DOCK2: variants seen among roughly 807,000 people sequenced by gnomAD.
DOCK2 encodes the protein dedicator of cytokinesis protein 2.
A neutral mutation model predicts 248.9 loss-of-function variants in DOCK2; 87 were observed. The ratio of observed to expected loss-of-function variants is 0.35; its 90% CI spans 0.29 to 0.42. The LOEUF (loss-of-function observed/expected upper bound fraction) is 0.42, where lower values mean the gene tolerates loss of function less well. DOCK2 is among the 10% of genes least tolerant of loss of function. DOCK2 has a pLI of 1.00. For missense variants in DOCK2, 1,747 were observed against 2,300.2 expected (o/e 0.76, Z 4.92); for synonymous variants, 805 against 821.6 (o/e 0.98, Z 0.35).
At chr5:169,703,624 A>G (rs1653456566) in intron 14 of DOCK2, among the ~76,000 whole-genome samples, 1 of 152,258 alleles carries the variant, frequency 6.6e-6, no homozygotes, top group Non-Finnish European at 1.5e-5. Flanking sequence ...AAATGTAAAG[A>G]AATCCTCACA....
chr5:170,044,274 G>T lies in DOCK2; in HGVS notation c.3877-1542G>T, dbSNP rs114149332. Among the ~76,000 whole-genome samples, 724 of 152,306 alleles carry T rather than the reference G, an allele frequency of 4.8e-3. 8 individuals are homozygous for T. Among genetic ancestry groups the T allele is most frequent in the Non-Finnish European group, 7.5e-3 (507 of 68,032 alleles). Reference sequence around the variant, plus strand: ...TGTCCACTTATGTTCCATGAGAGTAGAGTCTGTGTCTCGTCCATCTTTATA... The same window carrying T: ...TGTCCACTTATGTTCCATGAGAGTATAGTCTGTGTCTCGTCCATCTTTATA... On this transcript the variant is annotated intron_variant, in intron 38 of 51. Coordinates refer to ENST00000520908, the MANE Select transcript of DOCK2 (RefSeq NM_004946.3).
chr5:169,827,590 T>C lies in DOCK2; in HGVS notation c.2704-13167T>C, dbSNP rs547066500. ...ATGGATTAAAGGTGGGGGCACTGAG[T>C]GTGTTACAGAAACTGGAAAATGAGG... On this transcript the variant is annotated intron_variant, in intron 26 of 51. Transcript: ENST00000520908. 3.3e-5 allele frequency among the ~76,000 whole-genome samples: 5 copies of C among 152,194 alleles called. No homozygotes were observed. The East Asian group carries it at 9.7e-4, about 29-fold the overall frequency.
At chr5:169,811,580 TC>T (rs1177757247) in intron 26 of DOCK2, among the ~76,000 whole-genome samples, 1 of 152,160 alleles carries the variant, frequency 6.6e-6, no homozygotes, top group Admixed American at 6.5e-5. Context: ...TCCTCTGGCT[TC>T]CGTGGAGTTA....
rs1764378946 is a variant in DOCK2, at chr5:169,759,786, A to T, written c.2447+11A>T. 1 of 1,613,638 alleles carries T rather than the reference A, an allele frequency of 6.2e-7. No homozygotes were observed. The highest frequency in any genetic ancestry group is 8.5e-7 in the Non-Finnish European group (1 of 1,179,758). On this transcript the variant is annotated intron_variant, in intron 24 of 51. Coordinates refer to ENST00000520908, the MANE Select transcript of DOCK2 (RefSeq NM_004946.3). Reference sequence around the variant, plus strand: ...TGCGAAGTTACTCAGGTGAGAGCTCATGTTGTACTTTCTTGGGCTCTGCTG... The same window carrying T: ...TGCGAAGTTACTCAGGTGAGAGCTCTTGTTGTACTTTCTTGGGCTCTGCTG...
chr5:169,840,399 G>A (rs754455835), intron 26 of DOCK2, among the ~76,000 whole-genome samples: 2 of 152,124 alleles, frequency 1.3e-5, no homozygotes, highest in African/African-American at 4.8e-5. Flanking sequence ...CTGAGATTTC[G>A]CCGGGGACAC....
At chr5:169,711,511 C>A (rs1761582108) in intron 15 of DOCK2, among the ~76,000 whole-genome samples, 1 of 152,204 alleles carries the variant, frequency 6.6e-6, no homozygotes, top group South Asian at 2.1e-4. Context: ...AAATGAGATT[C>A]CTCAAGCAAA....
chr5:169,820,464 A>G (rs1028172835), intron 26 of DOCK2, among the ~76,000 whole-genome samples: 1 of 152,206 alleles, frequency 6.6e-6, no homozygotes, highest in African/African-American at 2.4e-5. Flanking sequence ...CTGTTCAGCA[A>G]TATTCACTGT....
chr5:170,054,124 G>T (rs1757022879), intron 41 of DOCK2, among the ~76,000 whole-genome samples: 1 of 152,250 alleles, frequency 6.6e-6, no homozygotes, highest in Non-Finnish European at 1.5e-5. Flanking sequence ...TCCAAGGAAA[G>T]GAAGTAGTAG....
At chr5:170,065,953 G>GTT (rs34658795) in intron 44 of DOCK2, among the ~76,000 whole-genome samples, 2,141 of 133,346 alleles carry the variant, frequency 0.016, 44 homozygotes, top group East Asian at 0.039. Flanking sequence ...AATGAAAACT[G>GTT]TTTTTTTTTT....
chr5:169,925,118 T>C (rs1288201824), intron 27 of DOCK2, among the ~76,000 whole-genome samples: 1 of 152,220 alleles, frequency 6.6e-6, no homozygotes, highest in Non-Finnish European at 1.5e-5. Context: ...CCCATTCATC[T>C]GTTCTTTTTA....
At chr5:170,013,706 C>G (rs1241162120) in intron 32 of DOCK2, among the ~76,000 whole-genome samples, 1 of 152,064 alleles carries the variant, frequency 6.6e-6, no homozygotes, top group Non-Finnish European at 1.5e-5. Flanking sequence ...CTTCTGATCT[C>G]CAGAAGTATT....
At chr5:169,709,632 A>C (rs533983053) in intron 15 of DOCK2, among the ~76,000 whole-genome samples, 1 of 152,310 alleles carries the variant, frequency 6.6e-6, no homozygotes, top group South Asian at 2.1e-4. Flanking sequence ...GAGGCATGAC[A>C]ATCACTTGAA....
At chr5:170,027,401 G>A (rs1755955697) in intron 33 of DOCK2, among the ~76,000 whole-genome samples, 1 of 152,158 alleles carries the variant, frequency 6.6e-6, no homozygotes, top group African/African-American at 2.4e-5. Flanking sequence ...CAAGTGGGCA[G>A]AAACAATAGC....
chr5:169,661,839 A>G (rs538076626), intron 2 of DOCK2, among the ~76,000 whole-genome samples: 2 of 152,324 alleles, frequency 1.3e-5, no homozygotes, highest in African/African-American at 4.8e-5. Context: ...TGTATATTAC[A>G]GTTTCTTTAT....
chr5:170,005,164 A>G (rs938231439), intron 30 of DOCK2, among the ~76,000 whole-genome samples: 2 of 152,228 alleles, frequency 1.3e-5, no homozygotes, highest in African/African-American at 2.4e-5. Flanking sequence ...GAAAGGTCAC[A>G]TATTTTATGA....
intron 3 of DOCK2, 52 bp downstream of exon 3, chr5:169,669,380 C>G: frequency 6.3e-7 from 1 of 1,592,360 alleles, no homozygotes; most frequent in Non-Finnish European, 8.6e-7. Flanking sequence ...TTCATATGGC[C>G]CCGCTATCCC....
chr5:169,756,372 G>T (rs1764194896), intron 23 of DOCK2, among the ~76,000 whole-genome samples: 1 of 152,224 alleles, frequency 6.6e-6, no homozygotes, highest in Admixed American at 6.5e-5. Context: ...TTCCCCACAG[G>T]GGTTTGTTTC....
At chr5:169,659,921 C>T (rs1758348161) in intron 2 of DOCK2, among the ~76,000 whole-genome samples, 1 of 152,194 alleles carries the variant, frequency 6.6e-6, no homozygotes, top group Non-Finnish European at 1.5e-5. Flanking sequence ...TTGATGACAT[C>T]AGAAGACTTC....
intron 30 of DOCK2, among the ~76,000 whole-genome samples, chr5:170,004,476 T>C (rs1011189889): frequency 1.3e-5 from 2 of 152,224 alleles, no homozygotes; most frequent in East Asian, 3.9e-4. Context: ...ATGTCTTCTT[T>C]TGAGAAGTGT....
Sources: gnomAD v4.1 joint callset for allele counts (sites outside exome capture counted in the v4.1 genomes callset) on GRCh38, gnomAD v4.1.1 for gene constraint, MANE v1.5 for transcripts, NCBI Gene and HGNC (gene_info 2026-07-23, HGNC 2026-07-21) for gene names.